Variants in CHSY3 observed in about 807,000 individuals in gnomAD.
CHSY3 encodes the protein chondroitin sulfate synthase 3.
CHSY3 carries 35 observed loss-of-function variants against 67.2 expected under a neutral mutation model. The ratio of observed to expected loss-of-function variants is 0.52; its 90% CI spans 0.40 to 0.69. CHSY3 has a LOEUF of 0.69. Ranked by LOEUF, CHSY3 falls within the 30% of genes least tolerant of loss-of-function variation. CHSY3 has a pLI of 0.00. For missense variants in CHSY3, 1,069 were observed against 1,138.5 expected, an observed-to-expected ratio of 0.94 and a Z score of 0.88; for synonymous variants, 474 against 434.7, an observed-to-expected ratio of 1.09 and a Z score of -1.12.
At chr5:129,918,636 C>T (rs562124843) in intron 2 of CHSY3, among the ~76,000 whole-genome samples, 8 of 152,144 alleles carry the variant, frequency 5.3e-5, no homozygotes, top group African/African-American at 1.9e-4. Context: ...AGTGGGGATG[C>T]ATGGGCAGGC....
chr5:130,186,274 G>C lies in CHSY3; in HGVS notation c.*483G>C, dbSNP rs1770414407. 6.6e-6 allele frequency: 1 copy of C among 150,388 alleles called. No homozygotes were observed. 9.3% of individuals were successfully genotyped at this position (150,388 alleles called of 1,614,324 possible). A position where few individuals can be genotyped will look rare whatever the true frequency, so the allele number is the denominator to read the frequency against. ...AACTTGAGTTTTGTAATTTATACAA[G>C]GACTTAAATATATAAACAATAATTT... On this transcript the variant is annotated 3_prime_UTR_variant, in exon 3 of 3. Transcript: ENST00000305031.
At chr5:130,067,964 G>T (rs1561521553) in intron 2 of CHSY3, among the ~76,000 whole-genome samples, 1 of 152,078 alleles carries the variant, frequency 6.6e-6, no homozygotes. Flanking sequence ...ATGTTTGTTG[G>T]TCTATAAATA....
chr5:130,120,365 G>GTTCTC (rs554934302), intron 2 of CHSY3, among the ~76,000 whole-genome samples: 192 of 151,372 alleles, frequency 1.3e-3, no homozygotes, highest in African/African-American at 4.5e-3. Context: ...TTCCTGTAGT[G>GTTCTC]TTCTCTGTAG....
intron 2 of CHSY3, among the ~76,000 whole-genome samples, chr5:130,178,517 G>T (rs1256301686): frequency 2.0e-5 from 3 of 151,866 alleles, no homozygotes; most frequent in Non-Finnish European, 2.9e-5. Flanking sequence ...CTCCGAAAGT[G>T]CTGGGATTAC....
chr5:129,976,418 C>T (rs1462602750), intron 2 of CHSY3, among the ~76,000 whole-genome samples: 1 of 152,150 alleles, frequency 6.6e-6, no homozygotes, highest in African/African-American at 2.4e-5. Flanking sequence ...CATAACCAAT[C>T]TCACCTTGGT....
intron 2 of CHSY3, among the ~76,000 whole-genome samples, chr5:129,980,607 A>C (rs1762953210): frequency 6.6e-6 from 1 of 152,254 alleles, no homozygotes; most frequent in South Asian, 2.1e-4. Context: ...ACAGAGCATA[A>C]GTTTTTAAAT....
In CHSY3 at chr5:129,907,123, G is replaced by A. The variant is rs1207622436; in HGVS notation, c.803-954G>A. Among the ~76,000 whole-genome samples, 4 of 152,174 alleles carry A rather than the reference G, an allele frequency of 2.6e-5. 1 individual carries two copies. Among genetic ancestry groups the A allele is most frequent in the Non-Finnish European group, 5.9e-5 (4 of 68,026 alleles). ...AAATTACAAAGGTTTCCTGGCAGAA[G>A]TTTGCCACATTTTGCAGGGAATTTA... On this transcript the variant is annotated intron_variant, in intron 1 of 2. Transcript: ENST00000305031.
chr5:130,078,504 A>G (rs1425706028), intron 2 of CHSY3, among the ~76,000 whole-genome samples: 1 of 152,144 alleles, frequency 6.6e-6, no homozygotes, highest in Non-Finnish European at 1.5e-5. Flanking sequence ...AAAATATTTT[A>G]AAGACTTACA....
intron 2 of CHSY3, among the ~76,000 whole-genome samples, chr5:130,062,385 G>A (rs1005458474): frequency 2.0e-5 from 3 of 152,066 alleles, no homozygotes; most frequent in African/African-American, 7.2e-5. Flanking sequence ...AATGGATACT[G>A]GGGACTCCAA....
At chr5:130,023,537 A>G (rs1005388598) in intron 2 of CHSY3, among the ~76,000 whole-genome samples, 1 of 152,084 alleles carries the variant, frequency 6.6e-6, no homozygotes, top group East Asian at 1.9e-4. Context: ...TCAGCTATTT[A>G]AAACTAATGT....
chr5:130,057,968 G>A (rs1765591419), intron 2 of CHSY3, among the ~76,000 whole-genome samples: 1 of 151,988 alleles, frequency 6.6e-6, no homozygotes, highest in East Asian at 1.9e-4. Flanking sequence ...CTTCTCAGAT[G>A]TATCTTTGTT....
rs1164882991 is a variant in CHSY3 at position 130,020,441 on chromosome 5, ATATATATATATATATATATATT to A, written c.1086+112083_1086+112104del. Among the ~76,000 whole-genome samples, 14 of 13,196 alleles carry A rather than the reference ATATATATATATATATATATATT, an allele frequency of 1.1e-3. 1 individual carries two copies. The highest frequency in any genetic ancestry group is 1.5e-3 in the African/African-American group (6 of 4,068). The allele number at this position is 13,196 out of a possible 152,430, so 8.7% of individuals were successfully genotyped here. A position where few individuals can be genotyped will look rare whatever the true frequency, so the allele number is the denominator to read the frequency against. ...TCTCAAAATATATATATATATATAT[ATATATATATATATATATATATT>A]TTTTTTTTTTTTTTTTCCTCTGGCT... On this transcript the variant is annotated intron_variant, in intron 2 of 2. Transcript: ENST00000305031.
intron 2 of CHSY3, chr5:130,002,114 G>T: frequency 1.1e-6 from 1 of 945,018 alleles, no homozygotes; most frequent in Non-Finnish European, 1.3e-6. Context: ...GCCTTCTTCT[G>T]TGTCTCTGTG....
intron 2 of CHSY3, chr5:130,140,557 G>A (rs1768828642): frequency 1.7e-6 from 1 of 573,392 alleles, no homozygotes; most frequent in Non-Finnish European, 3.0e-6. Context: ...GCCAACTGCT[G>A]CTGCTACTGC....
intron 2 of CHSY3, among the ~76,000 whole-genome samples, chr5:130,075,597 T>C (rs1766224344): frequency 6.6e-6 from 1 of 152,168 alleles, no homozygotes; most frequent in Non-Finnish European, 1.5e-5. Context: ...TATTTGTAAA[T>C]CTTGACCTCG....
chr5:130,092,932 G>T, intron 2 of CHSY3, among the ~76,000 whole-genome samples: 1 of 152,156 alleles, frequency 6.6e-6, no homozygotes, highest in East Asian at 1.9e-4. Context: ...AAGGTGTCTG[G>T]CATCTCATTG....
chr5:130,119,767 C>G (rs1004374175), intron 2 of CHSY3, among the ~76,000 whole-genome samples: 6 of 152,068 alleles, frequency 3.9e-5, no homozygotes, highest in African/African-American at 1.4e-4. Context: ...ATATTTTATT[C>G]CTTTTGTTTT....
intron 2 of CHSY3, among the ~76,000 whole-genome samples, chr5:130,068,745 T>C (rs1267675953): frequency 2.0e-5 from 3 of 152,182 alleles, no homozygotes; most frequent in African/African-American, 7.2e-5. Context: ...TGGTACATGA[T>C]GCCTGCAGTC....
intron 2 of CHSY3, among the ~76,000 whole-genome samples, chr5:130,182,750 T>C (rs1770287109): frequency 6.6e-6 from 1 of 152,066 alleles, no homozygotes; most frequent in Non-Finnish European, 1.5e-5. Context: ...GACCACCCTT[T>C]CTCCAAACTG....
Sources: allele counts gnomAD v4.1 joint callset (sites outside exome capture counted in the v4.1 genomes callset), GRCh38; gene constraint gnomAD v4.1.1; transcripts MANE v1.5; gene names NCBI Gene and HGNC (gene_info 2026-07-23, HGNC 2026-07-21).